ILDR1: variants seen among roughly 807,000 people sequenced by gnomAD.
ILDR1 encodes the protein immunoglobulin like domain containing receptor 1.
ILDR1 carries 56 observed loss-of-function variants against 62.4 expected under a neutral mutation model. The ratio of observed to expected loss-of-function variants is 0.90; its 90% confidence interval spans 0.72 to 1.12. ILDR1 has a LOEUF of 1.12. ILDR1 is among the 50% of genes most tolerant of loss of function. ILDR1 has a pLI of 0.00. For missense variants in ILDR1, 736 were observed against 710.6 expected, an observed-to-expected ratio of 1.04 and a Z score of -0.41; for synonymous variants, 284 against 277.8, an observed-to-expected ratio of 1.02 and a Z score of -0.22.
upstream of ILDR1, among the ~76,000 whole-genome samples, chr3:122,024,685 G>A (rs567300584): frequency 6.6e-6 from 1 of 152,238 alleles, no homozygotes; most frequent in South Asian, 2.1e-4. Flanking sequence ...ATGAAATAAG[G>A]GCTATTATTA....
the ILDR1 span, among the ~76,000 whole-genome samples, chr3:122,038,571 C>G: frequency 6.6e-6 from 1 of 152,070 alleles, no homozygotes; most frequent in African/African-American, 2.4e-5. Flanking sequence ...TTATACAACA[C>G]GTCTAACTTG....
chr3:122,009,570 AGT>A (rs1009808806), intron 1 of ILDR1, among the ~76,000 whole-genome samples: 4 of 152,188 alleles, frequency 2.6e-5, no homozygotes, highest in Non-Finnish European at 4.4e-5. Context: ...CTGCCACATT[AGT>A]GTCAGTATGT....
the ILDR1 span, among the ~76,000 whole-genome samples, chr3:122,048,847 G>T: frequency 6.6e-6 from 1 of 151,974 alleles, no homozygotes; most frequent in Non-Finnish European, 1.5e-5. Context: ...CGTTGCCCAG[G>T]CTGGTCTTGG....
chr3:122,022,025 G>A lies in ILDR1; in HGVS notation c.53C>T (p.Pro18Leu), dbSNP rs753025435. 11 of 1,610,878 alleles carry A rather than the reference G, an allele frequency of 6.8e-6. No homozygotes were observed. The African/African-American group carries it at 1.5e-4, about 22-fold the overall frequency. ...APWLLLCTWL[P>L]AGCLSLLVTV... is the part of the protein sequence containing the mutation. ...ACCATTTTTCCAAGGCTCACCTGCT[G>A]GGAGCCAGGTGCAGAGCAGCAGCCA... Residue 18 changes from proline to leucine, a missense_variant, in exon 1 of 8, where the codon CCA becomes CTA. By Grantham distance (98) the Pro-to-Leu change is moderately conservative. Coordinates refer to ENST00000344209, the MANE Select transcript of ILDR1 (RefSeq NM_001199799.2).
the ILDR1 span, among the ~76,000 whole-genome samples, chr3:122,058,988 T>C: frequency 1.3e-5 from 2 of 152,044 alleles, no homozygotes; most frequent in African/African-American, 2.4e-5. Flanking sequence ...TCTAAGTGCA[T>C]AGTGGCATCC....
At chr3:122,053,874 A>G in the ILDR1 span, among the ~76,000 whole-genome samples, 3 of 152,190 alleles carry the variant, frequency 2.0e-5, no homozygotes, top group African/African-American at 7.2e-5. Context: ...TTAATATTTA[A>G]TATTTATAAC....
rs372514275 is a variant in ILDR1 at position 122,006,931 on chromosome 3, C to T, written c.229+60G>A. 1.9e-5 allele frequency: 30 copies of T among 1,544,554 alleles called. 1 individual carries two copies. Among genetic ancestry groups the T allele is most frequent in the Admixed American group, 7.5e-5 (4 of 53,144 alleles). On this transcript the variant is annotated intron_variant, in intron 2 of 7. Transcript: ENST00000344209. Reference sequence around the variant, plus strand: ...TCCTAAATAATCCCTCAACCCTAACCGCAGTATGTCACAGAGGTGTCTGGG... The same window carrying T: ...TCCTAAATAATCCCTCAACCCTAACTGCAGTATGTCACAGAGGTGTCTGGG...
chr3:121,989,335 T>C (rs2071303601), intron 7 of ILDR1, among the ~76,000 whole-genome samples: 1 of 152,204 alleles, frequency 6.6e-6, no homozygotes, highest in South Asian at 2.1e-4. Flanking sequence ...CTAGACATGA[T>C]CAAGGAGTAG....
At chr3:121,988,587 CT>C (rs1353154283) in intron 7 of ILDR1, among the ~76,000 whole-genome samples, 179 bp from the exon 8 acceptor site, 7 of 152,216 alleles carry the variant, frequency 4.6e-5, no homozygotes, top group Admixed American at 3.9e-4. Context: ...TCTCCCCAGG[CT>C]TAGGTTTTTC....
rs186308689 is a variant in ILDR1 at position 122,009,730 on chromosome 3, C to A, written c.59-2569G>T. Among the ~76,000 whole-genome samples the A allele has an allele frequency of 9.9e-4, 151 of 152,344 alleles. 2 individuals carry two copies. Among genetic ancestry groups the A allele is most frequent in the African/African-American group, 3.3e-3 (138 of 41,576 alleles). Reference sequence around the variant, plus strand: ...CAAAACAAATGTAGTTATTATCCTACGGAGCAGCTAGGTGGGCCTGTCTTG... The same window carrying A: ...CAAAACAAATGTAGTTATTATCCTAAGGAGCAGCTAGGTGGGCCTGTCTTG... On this transcript the variant is annotated intron_variant, in intron 1 of 7. Transcript: ENST00000344209.
At chr3:122,050,553 C>T in the ILDR1 span, among the ~76,000 whole-genome samples, 1 of 148,210 alleles carries the variant, frequency 6.7e-6, no homozygotes, top group African/African-American at 2.5e-5. Flanking sequence ...CTTCCCCCCC[C>T]CCACAGTTAT....
At chr3:122,040,723 C>CAAAAAAA in the ILDR1 span, among the ~76,000 whole-genome samples, 3 of 65,372 alleles carry the variant, frequency 4.6e-5, no homozygotes, top group Non-Finnish European at 6.5e-5. Context: ...AATCCAGATG[C>CAAAAAAA]AAAAAAAAAA....
At chr3:121,989,378 C>T (rs1451797040) in intron 7 of ILDR1, among the ~76,000 whole-genome samples, 2 of 151,940 alleles carry the variant, frequency 1.3e-5, no homozygotes, top group African/African-American at 4.8e-5. Context: ...TTAAGAATGC[C>T]GACATAAAAC....
chr3:122,011,935 G>C (rs2071710272), intron 1 of ILDR1, among the ~76,000 whole-genome samples: 1 of 152,134 alleles, frequency 6.6e-6, no homozygotes. Flanking sequence ...AAAAGTGTCA[G>C]CATCAGGATT....
At chr3:122,021,645 G>A (rs1228001824) in intron 1 of ILDR1, among the ~76,000 whole-genome samples, 1 of 152,204 alleles carries the variant, frequency 6.6e-6, no homozygotes, top group East Asian at 1.9e-4. Flanking sequence ...GCACTTCTGG[G>A]CCAATATGGT....
the ILDR1 span, among the ~76,000 whole-genome samples, chr3:122,045,737 C>T: frequency 8.7e-5 from 13 of 149,512 alleles, no homozygotes; most frequent in South Asian, 4.5e-4. Context: ...ACTAGGATTG[C>T]AACCCCTGCA....
At chr3:121,996,893 T>C (rs951662782) in intron 5 of ILDR1, among the ~76,000 whole-genome samples, 2 of 152,170 alleles carry the variant, frequency 1.3e-5, no homozygotes, top group African/African-American at 4.8e-5. Context: ...TTTTGTTTTT[T>C]TTGTTGTTGT....
chr3:122,018,394 T>TGGGGGGGGGG (rs535294009), intron 1 of ILDR1, among the ~76,000 whole-genome samples: 2 of 51,836 alleles, frequency 3.9e-5, no homozygotes, highest in African/African-American at 7.1e-5. Flanking sequence ...CCTGTTGGGG[T>TGGGGGGGGGG]GGGGGGGGGG....
chr3:122,018,570 CA>C (rs201258958), intron 1 of ILDR1, among the ~76,000 whole-genome samples: 2,304 of 152,252 alleles, frequency 0.015, 63 homozygotes, highest in African/African-American at 0.052. Flanking sequence ...ACCTGCTCCA[CA>C]GTATGAAATA....
Sources: allele counts gnomAD v4.1 joint callset (sites outside exome capture counted in the v4.1 genomes callset), GRCh38; gene constraint gnomAD v4.1.1; transcripts MANE v1.5; gene names NCBI Gene and HGNC (gene_info 2026-07-23, HGNC 2026-07-21).